Variants in EYA2 observed in about 807,000 individuals in gnomAD.
EYA2 encodes the protein EYA transcriptional coactivator and phosphatase 2, also known as protein phosphatase EYA2.
A neutral mutation model predicts 69.2 loss-of-function variants in EYA2; 31 were observed. The observed-to-expected ratio is 0.45, with a 90% CI of 0.34 to 0.60. EYA2 has a LOEUF of 0.60. Ranked by LOEUF, EYA2 falls within the 20% of genes least tolerant of loss-of-function variation. The probability of loss-of-function intolerance (pLI) is 0.02; values close to 1 mark genes in which losing one functional copy is unlikely to be tolerated. For missense variants in EYA2, 622 were observed against 701.2 expected (o/e 0.89, Z 1.28); for synonymous variants, 257 against 279.4 (o/e 0.92, Z 0.80).
chr20:47,108,304 G>A (rs1233325650), intron 9 of EYA2, among the ~76,000 whole-genome samples: 1 of 152,078 alleles, frequency 6.6e-6, no homozygotes, highest in Admixed American at 6.6e-5. Flanking sequence ...TTGTTGAAAA[G>A]AGCCTGGCAG....
intron 10 of EYA2, among the ~76,000 whole-genome samples, chr20:47,160,498 C>T (rs990728467): frequency 6.6e-5 from 10 of 151,690 alleles, no homozygotes; most frequent in Admixed American, 2.0e-4. Context: ...GGGCGGGGGG[C>T]GGTGCGGGCA....
At chr20:46,952,464 G>A (rs6512409) in intron 1 of EYA2, among the ~76,000 whole-genome samples, 82,434 of 152,048 alleles carry the variant, frequency 0.54, 24,393 homozygotes, top group Admixed American at 0.64. Flanking sequence ...AGCTTTGGCC[G>A]TTTGTTCATC....
intron 1 of EYA2, among the ~76,000 whole-genome samples, chr20:46,989,115 C>T (rs931401681): frequency 2.6e-5 from 4 of 152,154 alleles, no homozygotes; most frequent in Non-Finnish European, 2.9e-5. Context: ...CTGCCCGCCC[C>T]CCATAACATA....
intron 1 of EYA2, among the ~76,000 whole-genome samples, chr20:46,909,064 C>T (rs1218634401): frequency 6.6e-6 from 1 of 151,780 alleles, no homozygotes; most frequent in African/African-American, 2.4e-5. Context: ...TCCTGATCTC[C>T]GCTCATCATG....
intron 5 of EYA2, among the ~76,000 whole-genome samples, chr20:47,046,238 G>C (rs79202951): frequency 0.1 from 15,171 of 152,108 alleles, 874 homozygotes; most frequent in African/African-American, 0.14. Context: ...ATGAGGGCTC[G>C]ACTTTCATGA....
At chr20:47,123,671 G>A (rs2146562926) in intron 9 of EYA2, among the ~76,000 whole-genome samples, 2 of 152,254 alleles carry the variant, frequency 1.3e-5, no homozygotes, top group East Asian at 3.9e-4. Flanking sequence ...AGCAACATTA[G>A]GCATCAAGAA....
rs1198299566 is a variant in EYA2 at position 47,188,133 on chromosome 20, G to A, written c.1617G>A (p.Ter539=). 6.4e-7 allele frequency: 1 copy of A among 1,572,728 alleles called. No homozygotes were observed. Among genetic ancestry groups the A allele is most frequent in the Non-Finnish European group, 8.6e-7 (1 of 1,159,236 alleles). The part of the protein sequence containing the change: ...LRHALELEYL[*] ...ACGCCCTGGAGCTGGAGTATTTATA[G>A]CAGGATCAGCAGCATCTCCACCTGC... Residue 539 remains the stop codon, a stop_retained_variant, in exon 16 of 16, where the codon TAG becomes TAA. Coordinates refer to ENST00000327619, the MANE Select transcript of EYA2 (RefSeq NM_005244.5).
At chr20:47,157,398 C>T (rs926067514) in intron 10 of EYA2, among the ~76,000 whole-genome samples, 2 of 146,306 alleles carry the variant, frequency 1.4e-5, no homozygotes, top group Non-Finnish European at 3.0e-5. Context: ...AAGTATCATA[C>T]CTGTGGGATG....
At chr20:46,982,860 G>A (rs1422397481) in intron 1 of EYA2, among the ~76,000 whole-genome samples, 2 of 147,840 alleles carry the variant, frequency 1.4e-5, no homozygotes, top group East Asian at 2.0e-4. Context: ...TGCAACCTCC[G>A]CCTCCTGGGT....
chr20:47,034,770 C>T (rs934726403), intron 5 of EYA2, among the ~76,000 whole-genome samples: 6 of 152,188 alleles, frequency 3.9e-5, no homozygotes, highest in Admixed American at 3.9e-4. Context: ...GGATAGAAGT[C>T]TGAAATCAAG....
chr20:47,116,227 G>A (rs983040770), intron 9 of EYA2, among the ~76,000 whole-genome samples: 4 of 141,022 alleles, frequency 2.8e-5, no homozygotes, highest in Admixed American at 2.2e-4. Context: ...GCCCAGGCTG[G>A]AGTGCAGTGG....
chr20:47,177,098 C>T (rs1361634524), intron 12 of EYA2, among the ~76,000 whole-genome samples: 2 of 151,392 alleles, frequency 1.3e-5, no homozygotes, highest in Admixed American at 1.3e-4. Flanking sequence ...CTGCCTGGCC[C>T]CTTCTATCTT....
chr20:46,953,464 TG>T (rs1978926603), intron 1 of EYA2, among the ~76,000 whole-genome samples: 1 of 152,166 alleles, frequency 6.6e-6, no homozygotes, highest in Non-Finnish European at 1.5e-5. Flanking sequence ...ACACTAAAAA[TG>T]AAAGTAGATT....
intron 1 of EYA2, among the ~76,000 whole-genome samples, chr20:46,898,396 C>A (rs1311543863): frequency 5.7e-5 from 3 of 52,216 alleles, no homozygotes; most frequent in Non-Finnish European, 1.1e-4. Context: ...TGACAGAAAA[C>A]ACACACACAC....
chr20:47,156,119 CACACACACATATATATATAT>C, intron 10 of EYA2, among the ~76,000 whole-genome samples: 1 of 24,600 alleles, frequency 4.1e-5, no homozygotes, highest in Non-Finnish European at 6.0e-5. Context: ...CACACACACA[CACACACACATATATATATAT>C]ATATATATAT....
intron 1 of EYA2, among the ~76,000 whole-genome samples, chr20:46,942,864 C>A (rs4280512): frequency 1.1e-3 from 171 of 152,334 alleles, no homozygotes; most frequent in African/African-American, 4.0e-3. Context: ...CTCCCCGGTT[C>A]AAGCGATTCT....
intron 1 of EYA2, among the ~76,000 whole-genome samples, chr20:46,968,731 A>T (rs1033044663): frequency 6.6e-6 from 1 of 152,082 alleles, no homozygotes; most frequent in Non-Finnish European, 1.5e-5. Context: ...ATAACCAAAA[A>T]TATATCCAGA....
intron 5 of EYA2, among the ~76,000 whole-genome samples, chr20:47,063,945 G>T (rs1236436926): frequency 1.3e-5 from 2 of 152,204 alleles, no homozygotes; most frequent in South Asian, 2.1e-4. Flanking sequence ...GAACCTGGGC[G>T]ACTAATAGTC....
intron 5 of EYA2, among the ~76,000 whole-genome samples, chr20:47,017,503 A>G (rs946344038): frequency 1.3e-5 from 2 of 152,268 alleles, no homozygotes; most frequent in African/African-American, 4.8e-5. Flanking sequence ...TTAATTTTTT[A>G]TTAAGGAAGT....
Sources: gnomAD v4.1 joint callset for allele counts (sites outside exome capture counted in the v4.1 genomes callset) on GRCh38, gnomAD v4.1.1 for gene constraint, MANE v1.5 for transcripts, NCBI Gene and HGNC (gene_info 2026-07-23, HGNC 2026-07-21) for gene names.